ATP6V0A1: variants seen among roughly 807,000 people sequenced by gnomAD.
ATP6V0A1 encodes the protein ATPase H+ transporting V0 subunit a1, also known as V-type proton ATPase 116 kDa subunit a 1.
Under a neutral mutation model 105.4 loss-of-function variants are expected in ATP6V0A1, and 43 were observed. That is an observed-to-expected ratio of 0.41 (90% CI 0.32 to 0.53). The LOEUF is 0.53. Among genes scored for constraint, ATP6V0A1 ranks in the 20% least tolerant of loss-of-function variants. The pLI, the probability that ATP6V0A1 is intolerant of heterozygous loss-of-function variation, is 0.30. For missense variants in ATP6V0A1, 676 were observed against 1,051.1 expected (o/e 0.64, Z 4.93); for synonymous variants, 362 against 372.8 (o/e 0.97, Z 0.33).
At chr17:42,494,772 CA>C in intron 12 of ATP6V0A1, 1 of 480,328 alleles carries the variant, frequency 2.1e-6, no homozygotes, top group Non-Finnish European at 3.6e-6. Flanking sequence ...AGGTTTGGTG[CA>C]AAAGTTATTG....
intron 11 of ATP6V0A1, 61 bp downstream of exon 11, chr17:42,490,698 GT>G: frequency 6.5e-7 from 1 of 1,528,568 alleles, no homozygotes; most frequent in Middle Eastern, 1.8e-4. Flanking sequence ...GGTTGGTTTG[GT>G]TTGTTTTGAG....
intron 6 of ATP6V0A1, among the ~76,000 whole-genome samples, 160 bp downstream of exon 6, chr17:42,477,902 G>T (rs571330034): frequency 4.5e-4 from 68 of 152,240 alleles, no homozygotes; most frequent in African/African-American, 1.6e-3. Flanking sequence ...GAGTTGCTCT[G>T]TCAGCTCTCT....
At chr17:42,480,830 C>A in intron 8 of ATP6V0A1, 81 bp downstream of exon 8, 1 of 1,314,444 alleles carries the variant, frequency 7.6e-7, no homozygotes, top group Non-Finnish European at 1.1e-6. Flanking sequence ...TAGTGAAATA[C>A]AAATCCTTTT....
chr17:42,518,875 C>T (rs1157220111), intron 21 of ATP6V0A1: 1 of 152,218 alleles, frequency 6.6e-6, no homozygotes, highest in Non-Finnish European at 1.5e-5. Context: ...CCCCCCTTGC[C>T]CTGGGGAACT....
chr17:42,517,015 C>A (rs2092654242), intron 21 of ATP6V0A1, among the ~76,000 whole-genome samples: 1 of 152,216 alleles, frequency 6.6e-6, no homozygotes, highest in Non-Finnish European at 1.5e-5. Context: ...TGCGATGGCT[C>A]ACACCTATAA....
In ATP6V0A1 at chr17:42,502,384, A is replaced by G. The variant is rs528266139; in HGVS notation, c.2004+1080A>G. ...AGACTGTGATAACTTTCACTGACCA[A>G]AACATCTGGGAAAAAGGTTTGGTTT... On this transcript the variant is annotated intron_variant, in intron 17 of 21. Coordinates refer to ENST00000343619, the MANE Select transcript of ATP6V0A1 (RefSeq NM_001130021.3). Among the ~76,000 whole-genome samples the G allele has an allele frequency of 1.6e-4, 24 of 152,346 alleles. No homozygotes were observed. In the South Asian group the frequency reaches 4.6e-3, roughly 29 times the overall value.
At chr17:42,469,962 T>G (rs1055236195) in intron 4 of ATP6V0A1, 128 bp from the exon 5 acceptor site, 4 of 982,260 alleles carry the variant, frequency 4.1e-6, no homozygotes, top group Non-Finnish European at 4.4e-6. Context: ...AATCACAGTA[T>G]TTGCTAGGCA....
intron 19 of ATP6V0A1, 55 bp downstream of exon 19, chr17:42,508,644 C>G (rs1328707007): frequency 1.9e-6 from 3 of 1,610,126 alleles, no homozygotes; most frequent in Non-Finnish European, 2.5e-6. Context: ...CTCTTCCCAT[C>G]CTTGTGATCA....
intron 1 of ATP6V0A1, 102 bp from the exon 2 acceptor site, chr17:42,460,746 A>G (rs2145588615): frequency 1.5e-6 from 1 of 653,342 alleles, no homozygotes; most frequent in Non-Finnish European, 2.8e-6. Flanking sequence ...ACCTGTCCTC[A>G]TGGGGTGTTA....
rs148894260 is a variant in ATP6V0A1 at position 42,467,248 on chromosome 17, G to C, written c.196+741G>C. Among the ~76,000 whole-genome samples the C allele has an allele frequency of 3.7e-3, 559 of 152,230 alleles. 6 individuals are homozygous for C. The highest frequency in any genetic ancestry group is 0.013 in the African/African-American group (541 of 41,540). ...TTCATTCTCCACAACATTCCTTCAA[G>C]ATGGGTATTATCTTATTTAATAATT... On this transcript the variant is annotated intron_variant, in intron 3 of 21. Coordinates refer to ENST00000343619, the MANE Select transcript of ATP6V0A1 (RefSeq NM_001130021.3).
intron 21 of ATP6V0A1, chr17:42,520,321 C>G (rs1231119557): frequency 1.8e-5 from 7 of 397,364 alleles, no homozygotes; most frequent in South Asian, 1.3e-4. Context: ...CAGCCTCGCT[C>G]TGCTTATGGG....
chr17:42,514,135 C>T lies in ATP6V0A1; in HGVS notation c.2249-154C>T, dbSNP rs2092490995. ...ATGAGTACAGACAGGAGGCTCAGCACTTGTGCCAGGTTAGCTCTGCATGGT... is the reference window on the plus strand; with the variant it reads ...ATGAGTACAGACAGGAGGCTCAGCATTTGTGCCAGGTTAGCTCTGCATGGT... On this transcript the variant is annotated intron_variant, in intron 20 of 21. Transcript: ENST00000343619. 4.8e-6 allele frequency: 6 copies of T among 1,262,234 alleles called. No homozygotes were observed. In the South Asian group the frequency reaches 5.6e-5, roughly 12 times the overall value. The allele number at this position is 1,262,234 out of a possible 1,614,324, so 78.2% of individuals were successfully genotyped here. A position where few individuals can be genotyped will look rare whatever the true frequency, so the allele number is the denominator to read the frequency against.
At chr17:42,484,047 T>G (rs1234316689) in intron 9 of ATP6V0A1, among the ~76,000 whole-genome samples, 1 of 151,218 alleles carries the variant, frequency 6.6e-6, no homozygotes, top group Non-Finnish European at 1.5e-5. Context: ...TTGTTTTTTG[T>G]TTTTTGTTTT....
intron 21 of ATP6V0A1, 120 bp downstream of exon 21, chr17:42,514,580 G>A: frequency 1.8e-6 from 2 of 1,091,680 alleles, no homozygotes; most frequent in South Asian, 1.8e-5. Context: ...AGCTGGCCCT[G>A]CACTAGCTTC....
At position 42,462,800 on chromosome 17, in the gene ATP6V0A1, T is replaced by TG. The variant is rs1408234734; in HGVS notation, c.117+1794dup. 8.6e-5 allele frequency among the ~76,000 whole-genome samples: 13 copies of TG among 151,822 alleles called. No homozygotes were observed. In the South Asian group the frequency reaches 1.7e-3, roughly 19 times the overall value. Reference sequence around the variant, plus strand: ...ATAACATTAAGAAAAAAAATAGAGATGGGGGTCTCGCCATGTTACCCAGGT... The same window carrying TG: ...ATAACATTAAGAAAAAAAATAGAGATGGGGGGTCTCGCCATGTTACCCAGGT... On this transcript the variant is annotated intron_variant, in intron 2 of 21. Transcript: ENST00000343619.
chr17:42,497,300 C>CAAA (rs1220778376), intron 14 of ATP6V0A1, among the ~76,000 whole-genome samples: 2 of 57,544 alleles, frequency 3.5e-5, no homozygotes, highest in Non-Finnish European at 7.2e-5. Flanking sequence ...GACCCTGTCT[C>CAAA]AAAAAAAAAA....
chr17:42,463,692 T>C (rs939286415), intron 2 of ATP6V0A1, among the ~76,000 whole-genome samples: 1 of 152,160 alleles, frequency 6.6e-6, no homozygotes, highest in African/African-American at 2.4e-5. Flanking sequence ...AGTTGATCCT[T>C]GAAAATGCAG....
Position 42,487,493 on chromosome 17 carries a change from C to T in ATP6V0A1, c.1023+126C>T, listed in dbSNP as rs545469874. 521 of 859,904 alleles carry T rather than the reference C, an allele frequency of 6.1e-4. 1 individual carries two copies. The highest frequency in any genetic ancestry group is 2.5e-3 in the Middle Eastern group (7 of 2,846). 53.3% of individuals were successfully genotyped at this position (859,904 alleles called of 1,614,324 possible). ...CTGTAATCCCAGAACTTTGGGAGGC[C>T]GAGGCGGGCAGATCATGAGGTCAAG... On this transcript the variant is annotated intron_variant, in intron 10 of 21. Transcript: ENST00000343619.
At chr17:42,497,298 C>CT (rs1431072355) in intron 14 of ATP6V0A1, among the ~76,000 whole-genome samples, 3 of 108,412 alleles carry the variant, frequency 2.8e-5, no homozygotes, top group Non-Finnish European at 5.5e-5. Context: ...AAGACCCTGT[C>CT]TCAAAAAAAA....
Sources: allele counts gnomAD v4.1 joint callset (sites outside exome capture counted in the v4.1 genomes callset), GRCh38; gene constraint gnomAD v4.1.1; transcripts MANE v1.5; gene names NCBI Gene and HGNC (gene_info 2026-07-23, HGNC 2026-07-21).